The following ETFBKMT variants were observed in gnomAD, a reference collection of about 807,000 sequenced individuals.
The protein encoded by ETFBKMT is electron transfer flavoprotein subunit beta lysine methyltransferase.
Under a neutral mutation model 18.3 loss-of-function variants are expected in ETFBKMT, and 13 were observed. The ratio of observed to expected loss-of-function variants is 0.71; its 90% confidence interval spans 0.46 to 1.13. ETFBKMT has a LOEUF of 1.13. Ranked by LOEUF, ETFBKMT falls within the 50% of genes most tolerant of loss-of-function variation. The probability of loss-of-function intolerance (pLI) is 0.00; values close to 1 mark genes in which losing one functional copy is unlikely to be tolerated. For missense variants in ETFBKMT, 293 were observed against 306.2 expected, an observed-to-expected ratio of 0.96 and a Z score of 0.32; for synonymous variants, 84 against 107.9, an observed-to-expected ratio of 0.78 and a Z score of 1.37.
intron 1 of ETFBKMT, chr12:31,660,002 A>T (rs1226598982): frequency 6.7e-6 from 1 of 149,380 alleles, no homozygotes; most frequent in Admixed American, 6.7e-5. Context: ...AAAAAAAAAA[A>T]AAAAAAATAC....
intron 1 of ETFBKMT, among the ~76,000 whole-genome samples, chr12:31,653,431 G>A (rs1951033871): frequency 7.2e-6 from 1 of 138,390 alleles, no homozygotes; most frequent in Non-Finnish European, 1.6e-5. Flanking sequence ...AGTGTCAGTT[G>A]TCGGATGTTT....
rs1375926526 is a variant in ETFBKMT, at chr12:31,672,442, C to T, written c.*4452C>T. The T allele has an allele frequency of 1.8e-6, 2 of 1,119,584 alleles. No individual in the cohort carries two copies. The highest frequency in any genetic ancestry group is 2.6e-6 in the Non-Finnish European group (2 of 756,014). 69.4% of individuals were successfully genotyped at this position (1,119,584 alleles called of 1,614,324 possible). Reference sequence around the variant, plus strand: ...AAAAATGTTTAATGTTTCCTCATGTCTAACTGGAGGTGATGTTAATTATTA... The same window carrying T: ...AAAAATGTTTAATGTTTCCTCATGTTTAACTGGAGGTGATGTTAATTATTA... On this transcript the variant is annotated 3_prime_UTR_variant, in exon 4 of 4. Transcript: ENST00000357721.
chr12:31,661,509 CTT>C (rs1322787355), intron 1 of ETFBKMT, among the ~76,000 whole-genome samples: 3 of 151,050 alleles, frequency 2.0e-5, no homozygotes, highest in Non-Finnish European at 4.4e-5. Flanking sequence ...GAGTTTTGCT[CTT>C]GTTGCCCAGG....
intron 1 of ETFBKMT, among the ~76,000 whole-genome samples, chr12:31,649,153 T>C (rs1950994398): frequency 6.6e-6 from 1 of 152,204 alleles, no homozygotes; most frequent in Non-Finnish European, 1.5e-5. Flanking sequence ...GGTTTCACCG[T>C]GTTGCCCAGG....
At chr12:31,654,106 G>A (rs549081078) in intron 1 of ETFBKMT, among the ~76,000 whole-genome samples, 2 of 152,258 alleles carry the variant, frequency 1.3e-5, no homozygotes, top group African/African-American at 4.8e-5. Context: ...CTGGAGTGTG[G>A]TTGCACGATC....
Position 31,662,106 on chromosome 12 carries a change from G to A in ETFBKMT, c.153G>A (p.Leu51=), listed in dbSNP as rs1951131626. Residue 51 remains leucine (L), a synonymous_variant, in exon 2 of 4, where the codon CTG becomes CTA. Coordinates refer to ENST00000357721, the MANE Select transcript of ETFBKMT (RefSeq NM_001135863.2). ...SFLDPEIKAF[L]EENTEVTSSG... ...TGGACCCTGAGATAAAGGCTTTCCT[G>A]GAGGAGAACACTGAAGTCACCAGCA... 1.9e-6 allele frequency: 3 copies of A among 1,614,168 alleles called. No individual in the cohort carries two copies. Among genetic ancestry groups the A allele is most frequent in the African/African-American group, 1.3e-5 (1 of 75,054 alleles).
At chr12:31,653,816 C>T (rs530752523) in intron 1 of ETFBKMT, among the ~76,000 whole-genome samples, 4 of 152,040 alleles carry the variant, frequency 2.6e-5, no homozygotes, top group African/African-American at 9.6e-5. Context: ...GGTGTGGTGG[C>T]GGGTGCCTGT....
chr12:31,658,253 T>C (rs186744188), upstream of ETFBKMT, among the ~76,000 whole-genome samples: 25 of 152,352 alleles, frequency 1.6e-4, 1 homozygote, highest in South Asian at 8.3e-4. Flanking sequence ...TGAAAAGTTA[T>C]AGTTGAGAAA....
intron 1 of ETFBKMT, among the ~76,000 whole-genome samples, chr12:31,648,035 G>A (rs1229580708): frequency 6.6e-6 from 1 of 152,196 alleles, no homozygotes; most frequent in African/African-American, 2.4e-5. Context: ...CAAGTGAATT[G>A]AAAGCATATG....
chr12:31,672,622 T>C lies in ETFBKMT; in HGVS notation c.*4632T>C. On this transcript the variant is annotated 3_prime_UTR_variant, in exon 4 of 4. Transcript: ENST00000357721. ...AAAAAAAAAAACAGGCATTTGTTGT[T>C]TTCTCTGTAATTTCATCATAATTCC... is the stretch of plus-strand genomic sequence containing the variant. The C allele has an allele frequency of 2.8e-6, 1 of 359,030 alleles. No individual in the cohort carries two copies. The highest frequency in any genetic ancestry group is 5.1e-6 in the Non-Finnish European group (1 of 196,064). 22.2% of individuals were successfully genotyped at this position (359,030 alleles called of 1,614,324 possible).
chr12:31,653,675 C>T (rs1008022702), intron 1 of ETFBKMT, among the ~76,000 whole-genome samples: 1 of 152,160 alleles, frequency 6.6e-6, no homozygotes, highest in South Asian at 2.1e-4. Flanking sequence ...AGGCCGGGTG[C>T]GGTGGCTCAG....
intron 2 of ETFBKMT, among the ~76,000 whole-genome samples, chr12:31,665,232 A>G (rs1432467774): frequency 1.3e-5 from 2 of 152,198 alleles, no homozygotes; most frequent in Non-Finnish European, 2.9e-5. Context: ...CACTGTGCCC[A>G]GCCTACAACT....
Position 31,654,024 on chromosome 12 carries a change from T to C in ETFBKMT, c.-114+6769T>C, listed in dbSNP as rs566536996. On this transcript the variant is annotated intron_variant, in intron 1 of 3. Coordinates refer to the ETFBKMT transcript ENST00000412352. ...AATTGGAGATCTCATACAATGATGG[T>C]GGAAATGTAAAATGACACAACTATT... is the stretch of plus-strand genomic sequence containing the variant. 3.3e-5 allele frequency among the ~76,000 whole-genome samples: 5 copies of C among 152,296 alleles called. No homozygotes were observed. The South Asian group carries it at 8.3e-4, about 25-fold the overall frequency.
chr12:31,668,100 G>GA lies in ETFBKMT; in HGVS notation c.*114dup. On this transcript the variant is annotated 3_prime_UTR_variant, in exon 4 of 4. Coordinates refer to ENST00000357721, the MANE Select transcript of ETFBKMT (RefSeq NM_001135863.2). ...TAATGAATGTAATTCTTGTTAAATG[G>GA]AAAATCTTGTTTTTAAAATATGAAG... The GA allele has an allele frequency of 2.3e-6, 2 of 884,348 alleles. No homozygotes were observed. Among genetic ancestry groups the GA allele is most frequent in the Non-Finnish European group, 3.4e-6 (2 of 596,784 alleles). The allele number at this position is 884,348 out of a possible 1,614,324, so 54.8% of individuals were successfully genotyped here. A position where few individuals can be genotyped will look rare whatever the true frequency, so the allele number is the denominator to read the frequency against.
chr12:31,667,952 G>A lies in ETFBKMT; in HGVS notation c.751G>A (p.Gly251Arg), dbSNP rs1168181888. 1 of 1,613,990 alleles carries A rather than the reference G, an allele frequency of 6.2e-7. No homozygotes were observed. The highest frequency in any genetic ancestry group is 8.5e-7 in the Non-Finnish European group (1 of 1,180,000). The change falls in exon 4 of 4, where the codon GGA becomes AGA. Residue 251 changes from glycine to arginine, a missense_variant. Gly to Arg is a moderately radical substitution (Grantham distance 125, BLOSUM62 -2). Coordinates refer to ENST00000357721, the MANE Select transcript of ETFBKMT (RefSeq NM_001135863.2). The part of the protein sequence containing the change: ...LLESTRQENS[G>R]LTTSTVWGFQ... ...GGAGTCTACTAGGCAGGAAAACAGT[G>A]GACTGACAACAAGCACAGTGTGGGG... is the stretch of plus-strand genomic sequence containing the variant.
intron 1 of ETFBKMT, among the ~76,000 whole-genome samples, chr12:31,648,494 C>A (rs544335478): frequency 6.8e-6 from 1 of 147,002 alleles, no homozygotes; most frequent in Non-Finnish European, 1.5e-5. Context: ...CCTGAGTAGC[C>A]GGGATTATAG....
At chr12:31,651,924 A>G (rs1951021352) in intron 1 of ETFBKMT, among the ~76,000 whole-genome samples, 1 of 152,256 alleles carries the variant, frequency 6.6e-6, no homozygotes, top group Non-Finnish European at 1.5e-5. Context: ...AGCTTGCACG[A>G]GTGAACGCAG....
rs137891657 is a variant in ETFBKMT at position 31,668,530 on chromosome 12, C to A, written c.*540C>A. The A allele has an allele frequency of 6.5e-3, 974 of 150,116 alleles. 12 individuals carry two copies. The highest frequency in any genetic ancestry group is 0.03 in the South Asian group (143 of 4,758). 9.3% of individuals were successfully genotyped at this position (150,116 alleles called of 1,614,324 possible). ...TTTTGAGATGGAGTCTCAGCTCTGT[C>A]GTCCAGGCTGGAGTGCAGTGACTCA... is the stretch of plus-strand genomic sequence containing the variant. On this transcript the variant is annotated 3_prime_UTR_variant, in exon 4 of 4. Transcript: ENST00000357721.
At chr12:31,648,053 A>G (rs1043930651) in intron 1 of ETFBKMT, among the ~76,000 whole-genome samples, 2 of 152,280 alleles carry the variant, frequency 1.3e-5, no homozygotes, top group East Asian at 3.8e-4. Flanking sequence ...ATGTCTCCAC[A>G]TAAATGTGTA....
Sources: allele counts gnomAD v4.1 joint callset (sites outside exome capture counted in the v4.1 genomes callset), GRCh38; gene constraint gnomAD v4.1.1; transcripts MANE v1.5; gene names NCBI Gene and HGNC (gene_info 2026-07-23, HGNC 2026-07-21).